The following THAP2 variants were observed in gnomAD, a reference collection of about 807,000 sequenced individuals.
The protein encoded by THAP2 is THAP domain-containing protein 2.
A neutral mutation model predicts 18.8 loss-of-function variants in THAP2; 16 were observed. That is an observed-to-expected ratio of 0.85 (90% CI 0.58 to 1.29). THAP2 has a LOEUF of 1.29. Ranked by LOEUF, THAP2 falls within the 50% of genes most tolerant of loss-of-function variation. The pLI is 0.00. For synonymous variants in THAP2, 80 were observed against 89.2 expected (o/e 0.90, Z 0.58); for missense variants, 251 against 265.3 (o/e 0.95, Z 0.38).
At chr12:71,676,076 G>A (rs1881514594) in intron 2 of THAP2, among the ~76,000 whole-genome samples, 1 of 152,040 alleles carries the variant, frequency 6.6e-6, no homozygotes, top group Non-Finnish European at 1.5e-5. Context: ...AGAATTAATA[G>A]GACTTGATGA....
intron 1 of THAP2, among the ~76,000 whole-genome samples, chr12:71,672,020 C>A (rs1881446683): frequency 6.6e-6 from 1 of 152,172 alleles, no homozygotes; most frequent in African/African-American, 2.4e-5. Flanking sequence ...GTTTATCTTT[C>A]CTTTTCAAGG....
At chr12:71,674,572 A>G (rs753852500) in intron 2 of THAP2, among the ~76,000 whole-genome samples, 174 bp downstream of exon 2, 13 of 152,118 alleles carry the variant, frequency 8.5e-5, no homozygotes, top group Admixed American at 2.6e-4. Context: ...CCTGACTCCA[A>G]TATTCTTTCC....
intron 1 of THAP2, chr12:71,665,632 G>A (rs897235328): frequency 2.0e-5 from 3 of 152,224 alleles, no homozygotes; most frequent in Admixed American, 1.3e-4. Context: ...GAAACATTCA[G>A]AGACCTAACT....
Position 71,664,559 on chromosome 12 carries a change from A to G in THAP2, c.50A>G (p.His17Arg). 1 of 1,614,228 alleles carries G rather than the reference A, an allele frequency of 6.2e-7. No homozygotes were observed. Among genetic ancestry groups the G allele is most frequent in the Non-Finnish European group, 8.5e-7 (1 of 1,180,036 alleles). Residue 17 changes from histidine (H) to arginine (R), a missense_variant, in exon 1 of 3, where the codon CAC becomes CGC. His to Arg is a conservative substitution (Grantham distance 29). Transcript: ENST00000308086. Reference sequence around the variant, plus strand: ...GGCTGTGCCACTACCTACAACAAGCACATTAACATCAGCTTCCACAGGTAA... The same window carrying G: ...GGCTGTGCCACTACCTACAACAAGCGCATTAACATCAGCTTCCACAGGTAA... ...AAGCATTYNK[H>R]INISFHRFPL...
In THAP2 at chr12:71,679,758, A is replaced by G. The variant is rs139995450; in HGVS notation, c.*2650A>G. ...TGAATTGGAATTCAGTAAGAACTATAAACTGTAGACCTTTTTATAATCAAA... is the reference window on the plus strand; with the variant it reads ...TGAATTGGAATTCAGTAAGAACTATGAACTGTAGACCTTTTTATAATCAAA... On this transcript the variant is annotated 3_prime_UTR_variant, in exon 3 of 3. Coordinates refer to ENST00000308086, the MANE Select transcript of THAP2 (RefSeq NM_031435.4). 27 of 152,324 alleles carry G rather than the reference A, an allele frequency of 1.8e-4. 1 individual carries two copies. The highest frequency in any genetic ancestry group is 1.6e-3 in the Admixed American group (25 of 15,304). 9.4% of individuals were successfully genotyped at this position (152,324 alleles called of 1,614,324 possible).
chr12:71,664,430 G>C lies in THAP2; in HGVS notation c.-80G>C. ...CGATTAAGGCACGCCTGCCTCGATTGTCCAGCCTCTGCCAGAAGAAAGCTT... is the reference window on the plus strand; with the variant it reads ...CGATTAAGGCACGCCTGCCTCGATTCTCCAGCCTCTGCCAGAAGAAAGCTT... On this transcript the variant is annotated 5_prime_UTR_variant, in exon 1 of 3. Coordinates refer to ENST00000308086, the MANE Select transcript of THAP2 (RefSeq NM_031435.4). 1 of 1,575,498 alleles carries C rather than the reference G, an allele frequency of 6.3e-7. No individual in the cohort carries two copies. The highest frequency in any genetic ancestry group is 8.7e-7 in the Non-Finnish European group (1 of 1,146,058).
rs1881538242 is a variant in THAP2 at position 71,677,357 on chromosome 12, G to GT, written c.*255dup. 3.7e-6 allele frequency: 1 copy of GT among 270,468 alleles called. No individual in the cohort carries two copies. The highest frequency in any genetic ancestry group is 1.1e-4 in the South Asian group (1 of 9,244). The allele number at this position is 270,468 out of a possible 1,614,324, so 16.8% of individuals were successfully genotyped here. ...CTAATAAATTGTGTGTTTGAAAGGTGTTTTTTGTTTTTGTCTTTTTAAACT... is the reference window on the plus strand; with the variant it reads ...CTAATAAATTGTGTGTTTGAAAGGTGTTTTTTTGTTTTTGTCTTTTTAAACT... On this transcript the variant is annotated 3_prime_UTR_variant, in exon 3 of 3. Transcript: ENST00000308086.
In THAP2 at chr12:71,677,243, T is replaced by A; in HGVS notation, c.*135T>A. 1.2e-6 allele frequency: 1 copy of A among 821,688 alleles called. No individual in the cohort carries two copies. Among genetic ancestry groups the A allele is most frequent in the Non-Finnish European group, 1.7e-6 (1 of 599,302 alleles). 50.9% of individuals were successfully genotyped at this position (821,688 alleles called of 1,614,324 possible). ...CATTACTGAATTTGTGAAGACTTGATTACAAAAGAATAAAAAACTTCATAT... is the reference window on the plus strand; with the variant it reads ...CATTACTGAATTTGTGAAGACTTGAATACAAAAGAATAAAAAACTTCATAT... On this transcript the variant is annotated 3_prime_UTR_variant, in exon 3 of 3. Coordinates refer to ENST00000308086, the MANE Select transcript of THAP2 (RefSeq NM_031435.4).
At chr12:71,668,898 C>T (rs898572642) in intron 1 of THAP2, among the ~76,000 whole-genome samples, 1 of 152,164 alleles carries the variant, frequency 6.6e-6, no homozygotes, top group African/African-American at 2.4e-5. Flanking sequence ...TTAAATTTAG[C>T]TTATGGGCTA....
At chr12:71,671,936 A>G (rs1288240531) in intron 1 of THAP2, among the ~76,000 whole-genome samples, 2 of 152,204 alleles carry the variant, frequency 1.3e-5, no homozygotes. Flanking sequence ...CCTAAATTCA[A>G]TGGAACCAAT....
intron 1 of THAP2, among the ~76,000 whole-genome samples, chr12:71,672,240 A>G (rs1167413931): frequency 6.6e-6 from 1 of 152,118 alleles, no homozygotes; most frequent in Non-Finnish European, 1.5e-5. Context: ...CTCTTGAATG[A>G]TCTTAATGGC....
Position 71,680,304 on chromosome 12 carries a change from T to A in THAP2, c.*3196T>A, listed in dbSNP as rs1881580926. ...CAACAAATCCTCTCTGCTGTTCACA[T>A]TATCCTTTGTTTAACGTATGAACCA... On this transcript the variant is annotated 3_prime_UTR_variant, in exon 3 of 3. Transcript: ENST00000308086. The A allele has an allele frequency of 6.6e-6, 1 of 152,462 alleles. No homozygotes were observed. The highest frequency in any genetic ancestry group is 6.5e-5 in the Admixed American group (1 of 15,288). 9.4% of individuals were successfully genotyped at this position (152,462 alleles called of 1,614,324 possible).
chr12:71,671,489 T>C (rs1565841222), intron 1 of THAP2, among the ~76,000 whole-genome samples: 2 of 152,226 alleles, frequency 1.3e-5, no homozygotes, highest in Admixed American at 1.3e-4. Context: ...TTGAAACCTG[T>C]CACTGCCCAC....
At chr12:71,672,731 A>T (rs180701222) in intron 1 of THAP2, among the ~76,000 whole-genome samples, 1 of 152,086 alleles carries the variant, frequency 6.6e-6, no homozygotes, top group African/African-American at 2.4e-5. Context: ...ATATATATAT[A>T]TCTCAAGCAA....
At chr12:71,669,318 A>G (rs569119911) in intron 1 of THAP2, among the ~76,000 whole-genome samples, 8 of 152,380 alleles carry the variant, frequency 5.3e-5, no homozygotes, top group African/African-American at 1.9e-4. Flanking sequence ...ATTCCTAAAC[A>G]GTCTTAAGTA....
At chr12:71,676,497 A>T (rs1375283723) in intron 2 of THAP2, among the ~76,000 whole-genome samples, 192 bp from the exon 3 acceptor site, 1 of 152,120 alleles carries the variant, frequency 6.6e-6, no homozygotes, top group Non-Finnish European at 1.5e-5. Flanking sequence ...GAAATAGGTG[A>T]CTAGAGTTAA....
At chr12:71,669,266 A>G (rs1881393544) in intron 1 of THAP2, among the ~76,000 whole-genome samples, 1 of 152,206 alleles carries the variant, frequency 6.6e-6, no homozygotes, top group African/African-American at 2.4e-5. Context: ...GCGACATCTA[A>G]CCCAGTCCTC....
intron 1 of THAP2, among the ~76,000 whole-genome samples, chr12:71,668,801 T>G (rs1881386228): frequency 6.6e-6 from 1 of 152,238 alleles, no homozygotes; most frequent in Admixed American, 6.5e-5. Context: ...CCTGGTTCTA[T>G]TACTGTCTAG....
In THAP2 at chr12:71,679,495, G is replaced by A. The variant is rs1162408289; in HGVS notation, c.*2387G>A. Reference sequence around the variant, plus strand: ...ACCATAAACTAACTGAAATTATAATGGATTTTTTTTCCTCTCCCGGTCACA... The same window carrying A: ...ACCATAAACTAACTGAAATTATAATAGATTTTTTTTCCTCTCCCGGTCACA... On this transcript the variant is annotated 3_prime_UTR_variant, in exon 3 of 3. Coordinates refer to ENST00000308086, the MANE Select transcript of THAP2 (RefSeq NM_031435.4). 1 of 151,500 alleles carries A rather than the reference G, an allele frequency of 6.6e-6. No homozygotes were observed. Among genetic ancestry groups the A allele is most frequent in the East Asian group, 1.9e-4 (1 of 5,176 alleles). 9.4% of individuals were successfully genotyped at this position (151,500 alleles called of 1,614,324 possible).
Sources: allele counts gnomAD v4.1 joint callset (sites outside exome capture counted in the v4.1 genomes callset), GRCh38; gene constraint gnomAD v4.1.1; transcripts MANE v1.5; gene names NCBI Gene and HGNC (gene_info 2026-07-23, HGNC 2026-07-21).